The following CCDC7 variants were observed in gnomAD, a reference collection of about 807,000 sequenced individuals.
CCDC7 encodes the protein coiled-coil domain-containing protein 7.
A neutral mutation model predicts 196.9 loss-of-function variants in CCDC7; 183 were observed. That is an observed-to-expected ratio of 0.93 (90% confidence interval 0.82 to 1.05). The LOEUF is 1.05. Ranked by LOEUF, CCDC7 falls within the 50% of genes least tolerant of loss-of-function variation. The probability of loss-of-function intolerance (pLI) is 0.00; values close to 1 mark genes in which losing one functional copy is unlikely to be tolerated. For missense variants in CCDC7, 1,540 were observed against 1,482.2 expected (o/e 1.04, Z -0.64); for synonymous variants, 525 against 484.6 (o/e 1.08, Z -1.10).
chr10:32,725,230 A>G, intron 25 of CCDC7: 1 of 425,466 alleles, frequency 2.4e-6, no homozygotes, highest in Non-Finnish European at 4.8e-6. Flanking sequence ...CTTTCTCTCG[A>G]AGCACCAACT....
intron 28 of CCDC7, among the ~76,000 whole-genome samples, chr10:32,762,240 C>A (rs1405416361): frequency 1.3e-5 from 2 of 151,770 alleles, no homozygotes; most frequent in Non-Finnish European, 2.9e-5. Flanking sequence ...ACTTGGAAGT[C>A]ATGAGTTTGC....
chr10:32,827,815 A>G (rs928569771), intron 32 of CCDC7, among the ~76,000 whole-genome samples: 16 of 152,080 alleles, frequency 1.1e-4, no homozygotes, highest in Non-Finnish European at 2.1e-4. Context: ...ACTAAAAACC[A>G]TGTTTTAAAA....
chr10:32,819,772 A>G (rs1446800287), intron 31 of CCDC7, among the ~76,000 whole-genome samples: 1 of 152,216 alleles, frequency 6.6e-6, no homozygotes, highest in Admixed American at 6.5e-5. Context: ...AACAACCTTC[A>G]TGCTAAAAAC....
chr10:32,517,389 G>A (rs182374235), intron 9 of CCDC7, among the ~76,000 whole-genome samples: 6 of 152,048 alleles, frequency 3.9e-5, no homozygotes, highest in Non-Finnish European at 5.9e-5. Context: ...ATTACAGAAT[G>A]GAAAAGTTAC....
At chr10:32,774,965 G>A (rs1565466329) in intron 28 of CCDC7, among the ~76,000 whole-genome samples, 1 of 152,104 alleles carries the variant, frequency 6.6e-6, no homozygotes, top group Non-Finnish European at 1.5e-5. Flanking sequence ...ACTCACATAT[G>A]TGTCTTTTGT....
intron 13 of CCDC7, among the ~76,000 whole-genome samples, chr10:32,557,295 G>A (rs1280586033): frequency 6.8e-6 from 1 of 147,412 alleles, no homozygotes; most frequent in Non-Finnish European, 1.5e-5. Flanking sequence ...CTTTTATTTG[G>A]TTTTCAGCAG....
intron 32 of CCDC7, among the ~76,000 whole-genome samples, chr10:32,832,579 C>A (rs888684911): frequency 9.2e-5 from 14 of 151,768 alleles, no homozygotes; most frequent in African/African-American, 3.1e-4. Context: ...TTATGTTTGG[C>A]AAAATTATTT....
chr10:32,504,757 T>C lies in CCDC7; in HGVS notation c.872+12760T>C, dbSNP rs530080977. 7.7e-4 allele frequency among the ~76,000 whole-genome samples: 117 copies of C among 152,384 alleles called. 1 individual carries two copies. Among genetic ancestry groups the C allele is most frequent in the African/African-American group, 2.7e-3 (113 of 41,592 alleles). On this transcript the variant is annotated intron_variant, in intron 9 of 41. Coordinates refer to ENST00000639629, the Ensembl canonical transcript of CCDC7. Reference sequence around the variant, plus strand: ...GATTTCTAGTTTCAAATTATTGTCATTGGAAAATATACTTGATATGACTTC... The same window carrying C: ...GATTTCTAGTTTCAAATTATTGTCACTGGAAAATATACTTGATATGACTTC...
At chr10:32,479,533 T>C (rs188499024) in intron 8 of CCDC7, among the ~76,000 whole-genome samples, 1 of 152,304 alleles carries the variant, frequency 6.6e-6, no homozygotes, top group African/African-American at 2.4e-5. Context: ...TTTTGAACCA[T>C]CTTTGCACCC....
chr10:32,544,314 C>T lies in CCDC7; in HGVS notation c.1134+13C>T, dbSNP rs979832321. The T allele has an allele frequency of 7.5e-6, 12 of 1,604,676 alleles. No individual in the cohort carries two copies. In the Admixed American group the frequency reaches 1.0e-4, roughly 14 times the overall value. On this transcript the variant is annotated intron_variant, in intron 13 of 41. Coordinates refer to ENST00000639629, the Ensembl canonical transcript of CCDC7. ...GGATCAAGTACAGGTAACACACCCA[C>T]TCTCTCTATGCATCAATATTTGATT... is the stretch of plus-strand genomic sequence containing the variant.
At chr10:32,622,944 T>C (rs2139197232) in intron 18 of CCDC7, among the ~76,000 whole-genome samples, 1 of 152,326 alleles carries the variant, frequency 6.6e-6, no homozygotes, top group South Asian at 2.1e-4. Flanking sequence ...GAAAATTAAT[T>C]AGTGTAATTC....
At chr10:32,524,961 A>G (rs181584389) in intron 11 of CCDC7, among the ~76,000 whole-genome samples, 1 of 152,114 alleles carries the variant, frequency 6.6e-6, no homozygotes, top group Admixed American at 6.5e-5. Context: ...CTTTGAATAA[A>G]CTATCTACCC....
At chr10:32,828,127 G>T (rs991835036) in intron 32 of CCDC7, among the ~76,000 whole-genome samples, 15 of 152,006 alleles carry the variant, frequency 9.9e-5, no homozygotes, top group Non-Finnish European at 1.6e-4. Flanking sequence ...TCAACCAATT[G>T]CCAAAATCAG....
At chr10:32,584,735 A>C (rs2059077400) in intron 18 of CCDC7, among the ~76,000 whole-genome samples, 1 of 102,250 alleles carries the variant, frequency 9.8e-6, no homozygotes, top group Non-Finnish European at 1.9e-5. Flanking sequence ...CCTGGGCGAC[A>C]GAGTGACACT....
intron 13 of CCDC7, 66 bp from the exon 15 acceptor site, chr10:32,565,492 C>T: frequency 1.3e-6 from 2 of 1,517,396 alleles, no homozygotes; most frequent in Middle Eastern, 1.8e-4. Flanking sequence ...AAAAGTAATA[C>T]TGGTAAAACT....
intron 24 of CCDC7, among the ~76,000 whole-genome samples, chr10:32,695,237 G>C (rs2077561822): frequency 6.6e-6 from 1 of 152,154 alleles, no homozygotes; most frequent in Non-Finnish European, 1.5e-5. Flanking sequence ...AAAATCATTA[G>C]TCTGTCAAAG....
intron 14 of CCDC7, among the ~76,000 whole-genome samples, chr10:32,566,220 T>C (rs2056767454): frequency 6.6e-6 from 1 of 152,220 alleles, no homozygotes; most frequent in African/African-American, 2.4e-5. Context: ...CAAAAAAGTA[T>C]GAATTGATAT....
intron 28 of CCDC7, among the ~76,000 whole-genome samples, chr10:32,748,630 T>C (rs1429098040): frequency 1.3e-5 from 2 of 152,188 alleles, no homozygotes; most frequent in Non-Finnish European, 2.9e-5. Context: ...TATAATCTTA[T>C]GGTTAGATCT....
chr10:32,795,624 G>C (rs937948453), intron 29 of CCDC7, among the ~76,000 whole-genome samples: 1 of 152,054 alleles, frequency 6.6e-6, no homozygotes, highest in Non-Finnish European at 1.5e-5. Flanking sequence ...ATTTATTGGG[G>C]ATGTATTCCT....
Sources: allele counts gnomAD v4.1 joint callset (sites outside exome capture counted in the v4.1 genomes callset), GRCh38; gene constraint gnomAD v4.1.1; transcripts MANE v1.5; gene names NCBI Gene and HGNC (gene_info 2026-07-23, HGNC 2026-07-21).